Variants in PARP4 observed in about 807,000 individuals in gnomAD.
The protein encoded by PARP4 is protein mono-ADP-ribosyltransferase PARP4.
Under a neutral mutation model 187.7 loss-of-function variants are expected in PARP4, and 120 were observed. That is an observed-to-expected ratio of 0.64 (90% CI 0.55 to 0.74). PARP4 has a LOEUF of 0.74. PARP4 is among the 30% of genes least tolerant of loss of function. PARP4 has a pLI of 0.00. For missense variants in PARP4, 1,836 were observed against 2,070.5 expected (o/e 0.89, Z 2.20); for synonymous variants, 654 against 740.9 (o/e 0.88, Z 1.90).
intron 30 of PARP4, among the ~76,000 whole-genome samples, chr13:24,440,440 A>G (rs1162919343): frequency 7.5e-6 from 1 of 134,126 alleles, no homozygotes; most frequent in African/African-American, 2.7e-5. Flanking sequence ...AAAAAAAAAG[A>G]AATCAAGTAT....
intron 12 of PARP4, among the ~76,000 whole-genome samples, chr13:24,481,982 C>A (rs1011022005): frequency 6.6e-6 from 1 of 152,190 alleles, no homozygotes; most frequent in Non-Finnish European, 1.5e-5. Flanking sequence ...ATTCTCCTTG[C>A]CCTTAAGAGC....
chr13:24,446,650 A>G (rs1298991874), intron 27 of PARP4, 31 bp downstream of exon 27: 2 of 1,361,680 alleles, frequency 1.5e-6, no homozygotes, highest in African/African-American at 1.4e-5. Flanking sequence ...CTTTCAAACA[A>G]TGGGTTGATA....
At chr13:24,425,569 GTATATCTATATCTATA>G (rs1870001144) in intron 33 of PARP4, among the ~76,000 whole-genome samples, 1 of 136,732 alleles carries the variant, frequency 7.3e-6, no homozygotes, top group African/African-American at 2.8e-5. Flanking sequence ...GTGTGTGTGT[GTATATCTATATCTATA>G]TCTATATCTA....
At chr13:24,449,194 C>G (rs998904095) in intron 25 of PARP4, among the ~76,000 whole-genome samples, 38 of 152,070 alleles carry the variant, frequency 2.5e-4, no homozygotes, top group African/African-American at 8.9e-4. Flanking sequence ...CAAGACCATC[C>G]TGGCTAACAC....
intron 3 of PARP4, 93 bp downstream of exon 3, chr13:24,501,540 T>C (rs1435500679): frequency 1.4e-5 from 12 of 830,424 alleles, no homozygotes; most frequent in Non-Finnish European, 2.2e-5. Context: ...TTTTAGTATT[T>C]CTGGACAATT....
intron 21 of PARP4, 23 bp downstream of exon 21, chr13:24,456,318 T>C (rs1363319447): frequency 3.8e-6 from 6 of 1,573,126 alleles, no homozygotes; most frequent in Middle Eastern, 2.1e-4. Flanking sequence ...GTGTCTCCTA[T>C]GTCTAAGTAA....
chr13:24,497,641 C>A (rs1395648753), intron 6 of PARP4, among the ~76,000 whole-genome samples: 1 of 152,194 alleles, frequency 6.6e-6, no homozygotes, highest in Non-Finnish European at 1.5e-5. Flanking sequence ...GGTGTTATGG[C>A]TGAACTGTAC....
At chr13:24,496,558 T>C (rs1293606590) in intron 6 of PARP4, among the ~76,000 whole-genome samples, 1 of 152,120 alleles carries the variant, frequency 6.6e-6, no homozygotes, top group Non-Finnish European at 1.5e-5. Flanking sequence ...AGCTATGGGC[T>C]CTTGTGGGGT....
chr13:24,446,695 T>A lies in PARP4; in HGVS notation c.3352A>T (p.Lys1118Ter), dbSNP rs1243187170. 7 of 1,589,090 alleles carry A rather than the reference T, an allele frequency of 4.4e-6. No homozygotes were observed. The highest frequency in any genetic ancestry group is 2.7e-5 in the African/African-American group (2 of 74,614). Reference sequence around the variant, plus strand: ...TTGAATCTTACAGTTCCAGTTGTCTTCTGAAGCTCAGTAGTCGACACCATT... The same window carrying A: ...TTGAATCTTACAGTTCCAGTTGTCTACTGAAGCTCAGTAGTCGACACCATT... ...RTMVSTTELQ[K>*]TTGTMIHKLA... The change falls in exon 27 of 34, where the codon AAG (lysine) becomes TAG (stop). Residue 1118 changes from lysine (K) to a stop codon, truncating the protein, a stop_gained. Coordinates refer to ENST00000381989, the MANE Select transcript of PARP4 (RefSeq NM_006437.4). LOFTEE classifies it high-confidence loss of function.
chr13:24,473,345 A>G (rs949514048), intron 15 of PARP4, among the ~76,000 whole-genome samples: 17 of 152,238 alleles, frequency 1.1e-4, no homozygotes, highest in African/African-American at 2.2e-4. Flanking sequence ...CTGGCACAAC[A>G]TAAGGGCAAT....
chr13:24,470,042 A>T lies in PARP4; in HGVS notation c.1915-17T>A, dbSNP rs535164620. Reference sequence around the variant, plus strand: ...AACAATGACCTGAAGAAGAAAAAAAATCCATACAATTGATGAGACCACATG... The same window carrying T: ...AACAATGACCTGAAGAAGAAAAAAATTCCATACAATTGATGAGACCACATG... On this transcript the variant is annotated splice_polypyrimidine_tract_variant and intron_variant, in intron 15 of 33. Coordinates refer to ENST00000381989, the MANE Select transcript of PARP4 (RefSeq NM_006437.4). 64 of 1,608,478 alleles carry T rather than the reference A, an allele frequency of 4.0e-5. No individual in the cohort carries two copies. The East Asian group carries it at 1.4e-3, about 36-fold the overall frequency.
intron 32 of PARP4, 36 bp from the exon 33 acceptor site, chr13:24,426,634 A>G (rs1870064873): frequency 6.3e-7 from 1 of 1,586,170 alleles, no homozygotes; most frequent in African/African-American, 1.4e-5. Flanking sequence ...TCTGTTGGAA[A>G]CTCTGCATCT....
chr13:24,488,452 C>G (rs1868446515), intron 10 of PARP4, among the ~76,000 whole-genome samples: 1 of 152,170 alleles, frequency 6.6e-6, no homozygotes, highest in African/African-American at 2.4e-5. Context: ...CTCCCGGGTT[C>G]AAGCGATTCT....
At chr13:24,479,947 C>T (rs1480423795) in intron 12 of PARP4, among the ~76,000 whole-genome samples, 7 of 152,094 alleles carry the variant, frequency 4.6e-5, no homozygotes, top group Non-Finnish European at 7.3e-5. Flanking sequence ...CCGGGAGGAA[C>T]GAACAACTCC....
Position 24,440,376 on chromosome 13 carries a change from C to T in PARP4, c.3666+1470G>A, listed in dbSNP as rs557064025. The stretch of plus-strand genomic sequence containing the variant: ...TCATGCCACTGCACTCAACCCTGGG[C>T]GACAGAGCGAGACTCTATCTCAAAA... On this transcript the variant is annotated intron_variant, in intron 30 of 33. Transcript: ENST00000381989. 1.4e-3 allele frequency among the ~76,000 whole-genome samples: 184 copies of T among 130,112 alleles called. 1 individual carries two copies. The highest frequency in any genetic ancestry group is 5.1e-3 in the African/African-American group (174 of 33,808). 85.4% of individuals were successfully genotyped at this position (130,112 alleles called of 152,430 possible). A position where few individuals can be genotyped will look rare whatever the true frequency, so the allele number is the denominator to read the frequency against.
chr13:24,482,282 T>C (rs752567744), intron 12 of PARP4, among the ~76,000 whole-genome samples: 4 of 152,248 alleles, frequency 2.6e-5, no homozygotes. Flanking sequence ...TTGTGAACAC[T>C]GTTGAACTGA....
At chr13:24,490,337 A>G (rs1272481030) in intron 10 of PARP4, among the ~76,000 whole-genome samples, 2 of 152,210 alleles carry the variant, frequency 1.3e-5, no homozygotes, top group African/African-American at 4.8e-5. Flanking sequence ...CGCCATACCC[A>G]TATTCCTGCA....
chr13:24,440,521 C>A (rs530820306), intron 30 of PARP4, among the ~76,000 whole-genome samples: 4 of 151,830 alleles, frequency 2.6e-5, no homozygotes, highest in East Asian at 3.9e-4. Flanking sequence ...GTTTCAGACA[C>A]CTTTGAGAAT....
chr13:24,435,106 A>C lies in PARP4; in HGVS notation c.4035T>G (p.Arg1345=). Residue 1345 remains arginine (R), a synonymous_variant, in exon 31 of 34, where the codon CGT becomes CGG. Coordinates refer to ENST00000381989, the MANE Select transcript of PARP4 (RefSeq NM_006437.4). ...CAGCTGAACCGAAACTAGCTACCTG[A>C]CGATATGAGGCAAAAGACAAGGAAG... ...SPASLSFASY[R]QVASFGSAAP... is the part of the protein sequence containing the mutation. 6.2e-7 allele frequency: 1 copy of C among 1,614,180 alleles called. No homozygotes were observed. The highest frequency in any genetic ancestry group is 8.5e-7 in the Non-Finnish European group (1 of 1,180,036).
Sources: allele counts gnomAD v4.1 joint callset (sites outside exome capture counted in the v4.1 genomes callset), GRCh38; gene constraint gnomAD v4.1.1; transcripts MANE v1.5; gene names NCBI Gene and HGNC (gene_info 2026-07-23, HGNC 2026-07-21).